Variants in LARP4B observed in about 807,000 individuals in gnomAD.
LARP4B encodes La ribonucleoprotein 4B, also known as la-related protein 4B.
Under a neutral mutation model 89.8 loss-of-function variants are expected in LARP4B, and 12 were observed. The observed-to-expected ratio is 0.13, with a 90% confidence interval of 0.09 to 0.22. The LOEUF is 0.22. LARP4B is among the 10% of genes least tolerant of loss of function. The probability of loss-of-function intolerance (pLI) is 1.00; values close to 1 mark genes in which losing one functional copy is unlikely to be tolerated. For synonymous variants in LARP4B, 367 were observed against 363.3 expected, an observed-to-expected ratio of 1.01 and a Z score of -0.12; for missense variants, 757 against 947.7, an observed-to-expected ratio of 0.80 and a Z score of 2.64.
chr10:952,201 T>G, the LARP4B span, among the ~76,000 whole-genome samples: 6 of 151,578 alleles, frequency 4.0e-5, no homozygotes, highest in East Asian at 9.7e-4. Context: ...TTAGCCGGGC[T>G]TGGTGGCGGG....
chr10:955,522 G>A, the LARP4B span, among the ~76,000 whole-genome samples: 1 of 152,338 alleles, frequency 6.6e-6, no homozygotes. The surrounding 1 kb of genome is among the most constrained non-coding windows in gnomAD (Gnocchi z 5.2). Flanking sequence ...GCTGATTGGA[G>A]CATGTCCTCG....
Position 822,410 on chromosome 10 carries a change from G to A in LARP4B, c.1485-1565C>T, listed in dbSNP as rs1210075440. On this transcript the variant is annotated intron_variant, in intron 13 of 17. Transcript: ENST00000316157. The surrounding 1 kb of genome is among the most constrained non-coding windows in gnomAD (Gnocchi z 4.6). ...CTCGTCACTACCGGCTGGGACGCAG[G>A]GGCACCCATCCCTTGGAACACAGCG... 6.6e-6 allele frequency among the ~76,000 whole-genome samples: 1 copy of A among 152,184 alleles called. No individual in the cohort carries two copies. Among genetic ancestry groups the A allele is most frequent in the Admixed American group, 6.5e-5 (1 of 15,286 alleles).
chr10:868,676 CT>C (rs1252385265), intron 3 of LARP4B, among the ~76,000 whole-genome samples: 2 of 152,210 alleles, frequency 1.3e-5, no homozygotes, highest in Non-Finnish European at 2.9e-5. Context: ...GCCTCCACAA[CT>C]ATTTAAGGAG....
At position 871,420 on chromosome 10, in the gene LARP4B, A is replaced by C. The variant is rs553294600; in HGVS notation, c.142-7150T>G. Among the ~76,000 whole-genome samples the C allele has an allele frequency of 6.6e-5, 10 of 152,148 alleles. No individual in the cohort carries two copies. In the East Asian group the frequency reaches 9.7e-4, roughly 15 times the overall value. On this transcript the variant is annotated intron_variant, in intron 3 of 17. Coordinates refer to ENST00000316157, the MANE Select transcript of LARP4B (RefSeq NM_015155.3). ...CCTGCGTGTCCACCACACGCTCCAC[A>C]CAAGTTTGGTCACAGGTCTGTGTTG...
At chr10:820,549 TGCCTGTGCCACAGCACAACAC>T (rs1832300145) in intron 14 of LARP4B, 1 of 466,624 alleles carries the variant, frequency 2.1e-6, no homozygotes, top group South Asian at 3.3e-5. Context: ...TTCCTGGCCA[TGCCTGTGCCACAGCACAACAC>T]GCCTGTGCAC....
chr10:916,602 G>A (rs1260441432), intron 1 of LARP4B, among the ~76,000 whole-genome samples: 1 of 152,158 alleles, frequency 6.6e-6, no homozygotes, highest in Non-Finnish European at 1.5e-5. Flanking sequence ...GGCCGTGGCA[G>A]GAGAATCACT....
At chr10:925,511 T>C (rs1837111773) in intron 1 of LARP4B, among the ~76,000 whole-genome samples, 1 of 152,232 alleles carries the variant, frequency 6.6e-6, no homozygotes, top group East Asian at 1.9e-4. Flanking sequence ...TCTATGGCTA[T>C]CTAAAAGGGG....
intron 7 of LARP4B, among the ~76,000 whole-genome samples, chr10:841,978 GA>G (rs574602848): frequency 3.9e-4 from 56 of 142,448 alleles, no homozygotes; most frequent in East Asian, 8.0e-4. Context: ...ATTCATACAA[GA>G]AAAAAAAAAA....
At chr10:934,130 C>T (rs1830719099), upstream of LARP4B, among the ~76,000 whole-genome samples, 1 of 152,048 alleles carries the variant, frequency 6.6e-6, no homozygotes, top group African/African-American at 2.4e-5. Flanking sequence ...CCGTTCCCGG[C>T]TGGTAGGTTA....
the LARP4B span, among the ~76,000 whole-genome samples, chr10:966,410 C>T: frequency 1.3e-4 from 20 of 152,160 alleles, no homozygotes; most frequent in Non-Finnish European, 1.2e-4. Flanking sequence ...GAGCCATGAT[C>T]GCACCACTGC....
chr10:823,193 C>T (rs1832445361), intron 13 of LARP4B, among the ~76,000 whole-genome samples: 2 of 152,162 alleles, frequency 1.3e-5, no homozygotes, highest in African/African-American at 4.8e-5. Context: ...AAACCACTCC[C>T]TAAACCACTG....
chr10:873,486 G>GGTTTTTC, intron 3 of LARP4B: 1 of 899,146 alleles, frequency 1.1e-6, no homozygotes. Context: ...TCAGGCTTCT[G>GGTTTTTC]GTTTTTCTAC....
At chr10:954,555 TGGCTGCCTGA>T in the LARP4B span, among the ~76,000 whole-genome samples, 1 of 152,034 alleles carries the variant, frequency 6.6e-6, no homozygotes, top group Non-Finnish European at 1.5e-5. The surrounding 1 kb of genome is among the most constrained non-coding windows in gnomAD (Gnocchi z 5.0). Context: ...GACATGGCCT[TGGCTGCCTGA>T]GGTCGGGAGG....
At chr10:944,673 C>T in the LARP4B span, among the ~76,000 whole-genome samples, 1 of 152,260 alleles carries the variant, frequency 6.6e-6, no homozygotes, top group African/African-American at 2.4e-5. Flanking sequence ...GGGCGTTGCC[C>T]CCGCCCTGCC....
In LARP4B at chr10:814,867, C is replaced by T. The variant is rs750149379; in HGVS notation, c.1821-17G>A. The T allele has an allele frequency of 7.6e-6, 12 of 1,582,748 alleles. No individual in the cohort carries two copies. The highest frequency in any genetic ancestry group is 1.0e-5 in the Non-Finnish European group (12 of 1,158,996). ...TTGGGATCACTGTAAAAATGCCACCCGATATTTGAATCTCATGCAACATCA... is the reference window on the plus strand; with the variant it reads ...TTGGGATCACTGTAAAAATGCCACCTGATATTTGAATCTCATGCAACATCA... On this transcript the variant is annotated splice_polypyrimidine_tract_variant and intron_variant, in intron 16 of 17. Transcript: ENST00000316157. The surrounding 1 kb of genome is among the most constrained non-coding windows in gnomAD (Gnocchi z 4.4).
chr10:859,384 A>C (rs1834475333), intron 5 of LARP4B, among the ~76,000 whole-genome samples: 1 of 152,202 alleles, frequency 6.6e-6, no homozygotes, highest in Middle Eastern at 3.2e-3. Flanking sequence ...CTGTATGGAA[A>C]ACTGTATGGT....
intron 1 of LARP4B, among the ~76,000 whole-genome samples, chr10:923,083 A>C (rs74571610): frequency 6.6e-6 from 1 of 152,122 alleles, no homozygotes; most frequent in Admixed American, 6.6e-5. Context: ...CAAAAAAAAA[A>C]ACAAATCATG....
upstream of LARP4B, among the ~76,000 whole-genome samples, chr10:935,628 C>G (rs1830739268): frequency 6.6e-6 from 1 of 152,060 alleles, no homozygotes; most frequent in African/African-American, 2.4e-5. Context: ...AAGTCTCTAC[C>G]AAACAAATAC....
upstream of LARP4B, among the ~76,000 whole-genome samples, chr10:932,009 C>T (rs962315636): frequency 2.3e-4 from 34 of 148,154 alleles, no homozygotes; most frequent in South Asian, 2.5e-3. Flanking sequence ...CCGTCCCCGG[C>T]GCGACCGGAG....
Sources: allele counts gnomAD v4.1 joint callset (sites outside exome capture counted in the v4.1 genomes callset), GRCh38; gene constraint gnomAD v4.1.1; non-coding constraint Gnocchi (gnomAD v3.1); transcripts MANE v1.5; gene names NCBI Gene and HGNC (gene_info 2026-07-23, HGNC 2026-07-21).